Variants in ABR observed in about 807,000 individuals in gnomAD.
The protein encoded by ABR is ABR activator of RhoGEF and GTPase.
ABR carries 35 observed loss-of-function variants against 107.2 expected under a neutral mutation model. That is an observed-to-expected ratio of 0.33 (90% CI 0.25 to 0.43). The LOEUF is 0.43. Ranked by LOEUF, ABR falls within the 20% of genes least tolerant of loss-of-function variation. ABR has a pLI of 1.00. For synonymous variants in ABR, 498 were observed against 462.0 expected (o/e 1.08, Z -1.00); for missense variants, 815 against 1,115.2 (o/e 0.73, Z 3.83).
chr17:1,045,540 C>T (rs1335166819), intron 16 of ABR, among the ~76,000 whole-genome samples: 1 of 152,272 alleles, frequency 6.6e-6, no homozygotes, highest in African/African-American at 2.4e-5. Flanking sequence ...GCCAGCTGCC[C>T]GCCCTGGCCC....
chr17:1,219,526 C>T (rs1233081471), intron 1 of ABR, among the ~76,000 whole-genome samples: 1 of 147,714 alleles, frequency 6.8e-6, no homozygotes, highest in African/African-American at 2.5e-5. Flanking sequence ...CTTATTTTTT[C>T]TTGCCATGGC....
chr17:1,185,665 A>T (rs1200018996), intron 1 of ABR, among the ~76,000 whole-genome samples: 50 of 148,230 alleles, frequency 3.4e-4, no homozygotes, highest in African/African-American at 1.0e-3. Context: ...AAAAAAAAAA[A>T]AAAAAAAAAA....
At chr17:1,044,642 C>T (rs1168882024) in intron 16 of ABR, among the ~76,000 whole-genome samples, 1 of 110,026 alleles carries the variant, frequency 9.1e-6, no homozygotes, top group African/African-American at 3.2e-5. Flanking sequence ...CACAGCAAGA[C>T]CCCATCTCAA....
At chr17:1,227,734 G>C (rs907457767) in intron 1 of ABR, among the ~76,000 whole-genome samples, 1 of 151,978 alleles carries the variant, frequency 6.6e-6, no homozygotes, top group Non-Finnish European at 1.5e-5. Flanking sequence ...TGCTTTCCGC[G>C]TGGCTGAGGA....
At chr17:1,175,182 C>T (rs139186356) in intron 1 of ABR, among the ~76,000 whole-genome samples, 2,646 of 152,236 alleles carry the variant, frequency 0.017, 66 homozygotes, top group African/African-American at 0.05. Flanking sequence ...GAAGCCGAGG[C>T]GGGTGGATCA....
chr17:1,103,246 C>CGA (rs548561819), intron 2 of ABR, among the ~76,000 whole-genome samples: 1 of 152,074 alleles, frequency 6.6e-6, no homozygotes, highest in South Asian at 2.1e-4. Context: ...CCTGAGGCAC[C>CGA]GAGAGTCGGG....
In ABR at chr17:1,097,998, C is replaced by G. The variant is rs140296158; in HGVS notation, c.345+2639G>C. ...TGGAAAGAGAGAGAAAGAATGGCATCCCTCTCATCTTCAGATCCAGAAATG... is the reference window on the plus strand; with the variant it reads ...TGGAAAGAGAGAGAAAGAATGGCATGCCTCTCATCTTCAGATCCAGAAATG... On this transcript the variant is annotated intron_variant, in intron 3 of 22. Coordinates refer to ENST00000302538, the MANE Select transcript of ABR (RefSeq NM_021962.5). 2.3e-4 allele frequency among the ~76,000 whole-genome samples: 35 copies of G among 152,294 alleles called. No individual in the cohort carries two copies. The East Asian group carries it at 5.8e-3, about 25-fold the overall frequency.
In ABR at chr17:1,005,287, A is replaced by G. The variant is rs1201788652; in HGVS notation, c.*793T>C. 2.5e-6 allele frequency: 1 copy of G among 397,962 alleles called. No individual in the cohort carries two copies. The highest frequency in any genetic ancestry group is 3.6e-5 in the East Asian group (1 of 28,064). 24.7% of individuals were successfully genotyped at this position (397,962 alleles called of 1,614,324 possible). A position where few individuals can be genotyped will look rare whatever the true frequency, so the allele number is the denominator to read the frequency against. On this transcript the variant is annotated 3_prime_UTR_variant, in exon 23 of 23. Transcript: ENST00000302538. ...AAACAGTCAGAGATGCCTCACTGAT[A>G]GACAGGAGGCCGAACAGGTAAACCC...
rs2042509133 is a variant in ABR at position 1,194,515 on chromosome 17, C to G, written c.838+34278G>C. Among the ~76,000 whole-genome samples, 2 of 87,940 alleles carry G rather than the reference C, an allele frequency of 2.3e-5. 1 individual carries two copies. The highest frequency in any genetic ancestry group is 1.4e-3 in the East Asian group (2 of 1,382). The allele number at this position is 87,940 out of a possible 152,430, so 57.7% of individuals were successfully genotyped here. A position where few individuals can be genotyped will look rare whatever the true frequency, so the allele number is the denominator to read the frequency against. On this transcript the variant is annotated intron_variant, in intron 1 of 22. Transcript: ENST00000574139. ...CCCAGCCTTCTTTATTTTTTAGAGACAAGTCTCACTCTATCGCCCAGACTG... is the reference window on the plus strand; with the variant it reads ...CCCAGCCTTCTTTATTTTTTAGAGAGAAGTCTCACTCTATCGCCCAGACTG...
Position 1,037,665 on chromosome 17 carries a change from T to G in ABR, c.1791+12385A>C, listed in dbSNP as rs1223533330. On this transcript the variant is annotated intron_variant, in intron 16 of 22. Transcript: ENST00000302538. The surrounding 1 kb of genome is among the most constrained non-coding windows in gnomAD (Gnocchi z 4.6). ...CCCTGGGCTGCTTGCCTGCTCCTCCTCCCGGGAAGGAGGGGGTGTGGCCGG... is the reference window on the plus strand; with the variant it reads ...CCCTGGGCTGCTTGCCTGCTCCTCCGCCCGGGAAGGAGGGGGTGTGGCCGG... Among the ~76,000 whole-genome samples, 1 of 151,916 alleles carries G rather than the reference T, an allele frequency of 6.6e-6. No homozygotes were observed. The highest frequency in any genetic ancestry group is 2.4e-5 in the African/African-American group (1 of 41,338).
At position 1,051,390 on chromosome 17, in the gene ABR, C is replaced by A. The variant is rs529960313; in HGVS notation, c.1562-756G>T. Among the ~76,000 whole-genome samples, 7 of 152,266 alleles carry A rather than the reference C, an allele frequency of 4.6e-5. No homozygotes were observed. The highest frequency in any genetic ancestry group is 1.7e-4 in the African/African-American group (7 of 41,564). On this transcript the variant is annotated intron_variant, in intron 14 of 22. Transcript: ENST00000302538. The surrounding 1 kb of genome is among the most constrained non-coding windows in gnomAD (Gnocchi z 4.3). ...ACGGTGAACGAGGCTCCCACCACCA[C>A]CAAGCGCTCCAGGTAACAAGGCAGT...
intron 6 of ABR, among the ~76,000 whole-genome samples, chr17:1,076,728 GT>G (rs539558382): frequency 0.46 from 54,023 of 117,684 alleles, 13,863 homozygotes; most frequent in Middle Eastern, 0.55. Context: ...GGGGGTGGGG[GT>G]GGGGGGGGTG....
chr17:1,079,477 T>C (rs1323955822), intron 5 of ABR, 87 bp from the exon 6 acceptor site: 6 of 1,275,916 alleles, frequency 4.7e-6, no homozygotes, highest in Non-Finnish European at 6.7e-6. Context: ...AGGGGAGTTC[T>C]GAAACTCAGG....
At chr17:1,217,561 C>T (rs1398308696) in intron 1 of ABR, among the ~76,000 whole-genome samples, 2 of 152,196 alleles carry the variant, frequency 1.3e-5, no homozygotes, top group Non-Finnish European at 2.9e-5. Context: ...ATATTATCAT[C>T]GTCCCCTAGC....
chr17:1,139,291 G>T (rs570955759), intron 1 of ABR, among the ~76,000 whole-genome samples: 24 of 152,076 alleles, frequency 1.6e-4, no homozygotes, highest in African/African-American at 5.8e-4. Context: ...TCGCTCTGTC[G>T]CCCAGGCTGG....
intron 1 of ABR, among the ~76,000 whole-genome samples, chr17:1,193,305 C>T (rs1416926299): frequency 6.6e-6 from 1 of 151,068 alleles, no homozygotes; most frequent in Non-Finnish European, 1.5e-5. Flanking sequence ...TTCAGGACTC[C>T]CCCGCTCTCC....
intron 21 of ABR, among the ~76,000 whole-genome samples, chr17:1,008,728 C>T (rs533127846): frequency 2.4e-4 from 36 of 152,336 alleles, no homozygotes; most frequent in African/African-American, 8.4e-4. Context: ...TGGGGCTGAG[C>T]TCAGGGAAGA....
chr17:1,110,390 G>A (rs942983148), intron 2 of ABR, among the ~76,000 whole-genome samples: 2 of 152,080 alleles, frequency 1.3e-5, no homozygotes, highest in Non-Finnish European at 2.9e-5. Context: ...CCGGTGAAGC[G>A]AGCCAGGTAG....
chr17:1,105,676 C>G (rs1597829252), intron 2 of ABR, among the ~76,000 whole-genome samples: 1 of 152,164 alleles, frequency 6.6e-6, no homozygotes, highest in Non-Finnish European at 1.5e-5. Flanking sequence ...GAGTTACAGA[C>G]TAGCATGGGC....
Sources: gnomAD v4.1 joint callset for allele counts (sites outside exome capture counted in the v4.1 genomes callset) on GRCh38, gnomAD v4.1.1 for gene constraint, Gnocchi (gnomAD v3.1) non-coding constraint, MANE v1.5 for transcripts, NCBI Gene and HGNC (gene_info 2026-07-23, HGNC 2026-07-21) for gene names.